CERS6: variants seen among roughly 807,000 people sequenced by gnomAD.
The protein encoded by CERS6 is ceramide synthase 6.
Under a neutral mutation model 56.8 loss-of-function variants are expected in CERS6, and 26 were observed. The ratio of observed to expected loss-of-function variants is 0.46; its 90% CI spans 0.34 to 0.63. CERS6 has a LOEUF of 0.63. Ranked by LOEUF, CERS6 falls within the 30% of genes least tolerant of loss-of-function variation. The probability of loss-of-function intolerance (pLI) is 0.01; values close to 1 mark genes in which losing one functional copy is unlikely to be tolerated. For synonymous variants in CERS6, 164 were observed against 173.3 expected, an observed-to-expected ratio of 0.95 and a Z score of 0.42; for missense variants, 415 against 467.5, an observed-to-expected ratio of 0.89 and a Z score of 1.04.
intron 4 of CERS6, 123 bp from the exon 5 acceptor site, chr2:168,690,911 C>T (rs1204184401): frequency 2.6e-6 from 2 of 778,168 alleles, no homozygotes; most frequent in South Asian, 3.3e-5. Context: ...TAAAGTTTGT[C>T]AGTTCTCACA....
intron 1 of CERS6, among the ~76,000 whole-genome samples, chr2:168,515,013 T>G (rs1054822225): frequency 6.6e-6 from 1 of 152,220 alleles, no homozygotes; most frequent in Non-Finnish European, 1.5e-5. Context: ...TATCCACACA[T>G]GCATATGTGT....
intron 1 of CERS6, among the ~76,000 whole-genome samples, chr2:168,518,345 C>T (rs191965135): frequency 1.1e-3 from 170 of 152,264 alleles, no homozygotes; most frequent in African/African-American, 4.0e-3. Flanking sequence ...TGTATTTGAA[C>T]TACTTATATA....
intron 1 of CERS6, among the ~76,000 whole-genome samples, chr2:168,501,829 G>A (rs1694585803): frequency 6.6e-6 from 1 of 152,158 alleles, no homozygotes; most frequent in African/African-American, 2.4e-5. Flanking sequence ...CCCTATCACT[G>A]CAAAGTTCAA....
chr2:168,727,498 G>A (rs1434786622), intron 8 of CERS6, among the ~76,000 whole-genome samples: 2 of 150,250 alleles, frequency 1.3e-5, no homozygotes, highest in Non-Finnish European at 2.9e-5. Flanking sequence ...GCAGTGAGCC[G>A]AGATCGCGCC....
chr2:168,577,213 G>A (rs531404217), intron 3 of CERS6, among the ~76,000 whole-genome samples: 21 of 152,172 alleles, frequency 1.4e-4, no homozygotes, highest in Admixed American at 6.5e-4. Flanking sequence ...GAGAGGTTAT[G>A]GAATTGAGGA....
chr2:168,462,426 C>T (rs755401261), intron 1 of CERS6, among the ~76,000 whole-genome samples: 4 of 152,084 alleles, frequency 2.6e-5, no homozygotes, highest in African/African-American at 4.8e-5. Context: ...GGTTTCTTCC[C>T]CCTGGCCACC....
At chr2:168,675,037 G>A (rs1426952046) in intron 4 of CERS6, among the ~76,000 whole-genome samples, 4 of 151,782 alleles carry the variant, frequency 2.6e-5, no homozygotes, top group East Asian at 1.9e-4. Flanking sequence ...GTGCAGTGGC[G>A]TAATCGGCTC....
intron 3 of CERS6, among the ~76,000 whole-genome samples, chr2:168,626,096 G>T (rs1292936986): frequency 2.6e-5 from 4 of 151,962 alleles, no homozygotes; most frequent in African/African-American, 4.8e-5. Flanking sequence ...TAGCTGTGTG[G>T]CCTTCAGCAA....
intron 1 of CERS6, among the ~76,000 whole-genome samples, chr2:168,471,013 C>A (rs188385273): frequency 6.6e-6 from 1 of 152,252 alleles, no homozygotes; most frequent in Non-Finnish European, 1.5e-5. Context: ...ACAGGCTTAC[C>A]AGTGTCAATA....
chr2:168,758,485 T>C (rs1013662874), intron 8 of CERS6, among the ~76,000 whole-genome samples: 2 of 152,184 alleles, frequency 1.3e-5, no homozygotes, highest in East Asian at 3.8e-4. Flanking sequence ...TAGAACTCTT[T>C]GGTTAAGGTA....
At chr2:168,665,920 G>A (rs921104701) in intron 4 of CERS6, among the ~76,000 whole-genome samples, 1 of 150,600 alleles carries the variant, frequency 6.6e-6, no homozygotes, top group Non-Finnish European at 1.5e-5. Flanking sequence ...ATAACTTGGA[G>A]GTTTTAAGAA....
intron 1 of CERS6, among the ~76,000 whole-genome samples, chr2:168,533,340 ATTGGAATAGTTTGGAATAGT>A (rs935424445): frequency 6.9e-6 from 1 of 144,062 alleles, no homozygotes; most frequent in African/African-American, 2.5e-5. Context: ...TTTGGAATAG[ATTGGAATAGTTTGGAATAGT>A]TTGGAATAGA....
chr2:168,495,805 G>A (rs1694456863), intron 1 of CERS6, among the ~76,000 whole-genome samples: 1 of 152,128 alleles, frequency 6.6e-6, no homozygotes, highest in South Asian at 2.1e-4. Context: ...GGGCATGATT[G>A]TTTCCATTTT....
At chr2:168,588,139 C>T (rs1390105282) in intron 3 of CERS6, among the ~76,000 whole-genome samples, 6 of 146,036 alleles carry the variant, frequency 4.1e-5, no homozygotes, top group Admixed American at 2.1e-4. Flanking sequence ...ATGCTAGTAT[C>T]GACCTCCTGG....
rs1480585941 is a variant in CERS6, at chr2:168,680,058, GGAGA to G, written c.466-10973_466-10970del. Among the ~76,000 whole-genome samples, 27 of 152,304 alleles carry G rather than the reference GGAGA, an allele frequency of 1.8e-4. 2 individuals carry two copies. The East Asian group carries it at 3.9e-3, about 22-fold the overall frequency. ...ATTTTCAAAGAGTCTGGAGTTCTGTGGAGAGAAAGACTCACAAATGCTTAAAATC... is the reference window on the plus strand; with the variant it reads ...ATTTTCAAAGAGTCTGGAGTTCTGTGGAAAGACTCACAAATGCTTAAAATC... On this transcript the variant is annotated intron_variant, in intron 4 of 9. Coordinates refer to ENST00000305747, the MANE Select transcript of CERS6 (RefSeq NM_203463.3).
At chr2:168,594,584 C>CA (rs1164952293) in intron 3 of CERS6, among the ~76,000 whole-genome samples, 3 of 151,742 alleles carry the variant, frequency 2.0e-5, no homozygotes, top group Admixed American at 6.6e-5. Flanking sequence ...GACCCTGTCT[C>CA]AAAAAAAATT....
At chr2:168,637,481 T>TA (rs202033335) in intron 4 of CERS6, among the ~76,000 whole-genome samples, 16 of 150,722 alleles carry the variant, frequency 1.1e-4, no homozygotes, top group African/African-American at 3.4e-4. Context: ...AGACGCCGTC[T>TA]AAAAAAAAAG....
intron 7 of CERS6, among the ~76,000 whole-genome samples, chr2:168,716,573 A>G (rs1687231733): frequency 6.6e-6 from 1 of 152,196 alleles, no homozygotes; most frequent in Non-Finnish European, 1.5e-5. Flanking sequence ...TAGAGTATTC[A>G]ATTAATGAGA....
rs139040363 is a variant in CERS6, at chr2:168,547,800, T to G, written c.276+99T>G. On this transcript the variant is annotated intron_variant, in intron 2 of 9. Transcript: ENST00000305747. ...CCTTCTGGGTTTGGAGAATCAACTT[T>G]TGCCTAGCCTTATGCTGGAGAACGT... 1.1e-3 allele frequency: 857 copies of G among 801,754 alleles called. 7 individuals carry two copies. In the African/African-American group the frequency reaches 0.013, roughly 12 times the overall value. The allele number at this position is 801,754 out of a possible 1,614,324, so 49.7% of individuals were successfully genotyped here. A position where few individuals can be genotyped will look rare whatever the true frequency, so the allele number is the denominator to read the frequency against.
Sources: gnomAD v4.1 joint callset for allele counts (sites outside exome capture counted in the v4.1 genomes callset) on GRCh38, gnomAD v4.1.1 for gene constraint, MANE v1.5 for transcripts, NCBI Gene and HGNC (gene_info 2026-07-23, HGNC 2026-07-21) for gene names.